SOX5: variants seen among roughly 807,000 people sequenced by gnomAD.
SOX5 encodes SRY-box transcription factor 5.
In SOX5, 9 loss-of-function variants were observed where a neutral mutation model predicts 92.0. That is an observed-to-expected ratio of 0.10 (90% CI 0.06 to 0.17). The LOEUF is 0.17. SOX5 is among the 10% of genes least tolerant of loss of function. SOX5 has a pLI of 1.00. For synonymous variants in SOX5, 344 were observed against 336.3 expected (o/e 1.02, Z -0.25); for missense variants, 642 against 944.5 (o/e 0.68, Z 4.20).
chr12:23,941,715 G>A (rs1943680411), intron 1 of SOX5, among the ~76,000 whole-genome samples: 2 of 151,448 alleles, frequency 1.3e-5, no homozygotes, highest in Admixed American at 6.6e-5. Context: ...TATCACTCAA[G>A]ATCAAAGTTG....
chr12:24,043,351 T>A (rs1296675384), intron 4 of SOX5, among the ~76,000 whole-genome samples: 1 of 152,202 alleles, frequency 6.6e-6, no homozygotes, highest in Non-Finnish European at 1.5e-5. Flanking sequence ...AAACAAAATA[T>A]CTGAATTCCT....
intron 1 of SOX5, among the ~76,000 whole-genome samples, chr12:23,905,902 A>G (rs1241471618): frequency 6.6e-6 from 1 of 152,190 alleles, no homozygotes; most frequent in African/African-American, 2.4e-5. Context: ...TAATAATTTT[A>G]TTTCCTTATC....
rs116405878 is a variant in SOX5, at chr12:24,064,765, A to C, written c.-2+148578T>G. Among the ~76,000 whole-genome samples the C allele has an allele frequency of 7.9e-3, 1,199 of 152,288 alleles. 17 individuals carry two copies. Among genetic ancestry groups the C allele is most frequent in the African/African-American group, 0.027 (1,121 of 41,572 alleles). On this transcript the variant is annotated intron_variant, in intron 4 of 4. Transcript: ENST00000446891. ...AGCTCAAAAAATATTTCTTGAACAG[A>C]ATAATGATCATCTATAAGTGAATAT...
intron 3 of SOX5, among the ~76,000 whole-genome samples, chr12:24,236,015 C>A (rs1964426617): frequency 6.6e-6 from 1 of 151,844 alleles, no homozygotes; most frequent in African/African-American, 2.4e-5. Flanking sequence ...TGGTAAAACC[C>A]CACCTCTACT....
intron 4 of SOX5, among the ~76,000 whole-genome samples, chr12:24,151,527 T>C (rs1951649652): frequency 6.6e-6 from 1 of 152,180 alleles, no homozygotes; most frequent in South Asian, 2.1e-4. Flanking sequence ...ACTTTAACTA[T>C]TTTGAAGGTG....
At chr12:23,741,172 T>C in intron 4 of SOX5, 133 bp from the exon 5 acceptor site, 1 of 556,460 alleles carries the variant, frequency 1.8e-6, no homozygotes, top group South Asian at 5.1e-5. Context: ...ACCTACCTTC[T>C]TTTACATTTT....
At chr12:23,866,222 C>T (rs771235850) in intron 2 of SOX5, among the ~76,000 whole-genome samples, 6 of 151,970 alleles carry the variant, frequency 3.9e-5, no homozygotes, top group Non-Finnish European at 7.4e-5. Flanking sequence ...CACACATATG[C>T]ATATACAAAG....
intron 2 of SOX5, among the ~76,000 whole-genome samples, chr12:23,864,504 C>G (rs1159209809): frequency 6.6e-6 from 1 of 152,116 alleles, no homozygotes; most frequent in African/African-American, 2.4e-5. Context: ...AGAAAAGGTT[C>G]TCGAAGGAAA....
intron 1 of SOX5, among the ~76,000 whole-genome samples, chr12:23,914,713 T>C (rs11047160): frequency 0.21 from 32,612 of 152,072 alleles, 4,589 homozygotes; most frequent in East Asian, 0.71. Flanking sequence ...TCTGTACTAG[T>C]AGTTCACATT....
At chr12:23,717,526 T>C (rs1409351136) in intron 6 of SOX5, among the ~76,000 whole-genome samples, 1 of 152,220 alleles carries the variant, frequency 6.6e-6, no homozygotes, top group Admixed American at 6.5e-5. Flanking sequence ...TTTCTCACCA[T>C]CATGTTTATT....
At chr12:23,785,454 TA>T (rs1205729673) in intron 3 of SOX5, among the ~76,000 whole-genome samples, 1 of 152,118 alleles carries the variant, frequency 6.6e-6, no homozygotes, top group Non-Finnish European at 1.5e-5. Flanking sequence ...CAAAATTAAA[TA>T]AAAAAATTTT....
At chr12:24,405,937 G>A (rs537854769) in intron 1 of SOX5, among the ~76,000 whole-genome samples, 1 of 152,104 alleles carries the variant, frequency 6.6e-6, no homozygotes, top group Non-Finnish European at 1.5e-5. Flanking sequence ...GACAGAAAGG[G>A]CTACCTTTTC....
chr12:23,676,240 TTA>T (rs773291005), intron 6 of SOX5, among the ~76,000 whole-genome samples: 13 of 152,110 alleles, frequency 8.5e-5, no homozygotes, highest in Non-Finnish European at 1.3e-4. Context: ...AAAAAAGTAA[TTA>T]TGTGAGGTGA....
At chr12:24,239,659 T>C (rs1965193335) in intron 3 of SOX5, among the ~76,000 whole-genome samples, 1 of 152,146 alleles carries the variant, frequency 6.6e-6, no homozygotes, top group African/African-American at 2.4e-5. Context: ...CCTGAAAAAC[T>C]TCACACTGAA....
chr12:24,134,356 C>G (rs1160331918), intron 4 of SOX5, among the ~76,000 whole-genome samples: 1 of 152,172 alleles, frequency 6.6e-6, no homozygotes. Flanking sequence ...ATGAAAAAGC[C>G]TGCCATCAGG....
At chr12:23,609,815 A>G (rs2075738690) in intron 8 of SOX5, among the ~76,000 whole-genome samples, 1 of 152,158 alleles carries the variant, frequency 6.6e-6, no homozygotes, top group Admixed American at 6.6e-5. Context: ...AATTATGAAA[A>G]GTGTGATCAG....
At chr12:23,692,066 T>C (rs2088912390) in intron 6 of SOX5, among the ~76,000 whole-genome samples, 1 of 152,184 alleles carries the variant, frequency 6.6e-6, no homozygotes, top group Admixed American at 6.5e-5. Flanking sequence ...AATAAGAAGT[T>C]CTAAGAACTC....
chr12:24,278,716 A>G (rs995487957), intron 2 of SOX5, among the ~76,000 whole-genome samples: 4 of 152,146 alleles, frequency 2.6e-5, no homozygotes, highest in Non-Finnish European at 5.9e-5. Context: ...ATCTCAAAAA[A>G]GCAAACAAAC....
intron 4 of SOX5, among the ~76,000 whole-genome samples, chr12:23,743,455 G>C (rs539583953): frequency 6.6e-6 from 1 of 151,852 alleles, no homozygotes; most frequent in Non-Finnish European, 1.5e-5. Flanking sequence ...GATTACAGGC[G>C]CATGCCACCA....
Sources: gnomAD v4.1 joint callset for allele counts (sites outside exome capture counted in the v4.1 genomes callset) on GRCh38, gnomAD v4.1.1 for gene constraint, MANE v1.5 for transcripts, NCBI Gene and HGNC (gene_info 2026-07-23, HGNC 2026-07-21) for gene names.